Variants in IL18 observed in about 807,000 individuals in gnomAD.
The protein encoded by IL18 is interleukin 18.
A neutral mutation model predicts 14.2 loss-of-function variants in IL18; 8 were observed. The observed-to-expected ratio is 0.56, with a 90% CI of 0.33 to 1.01. The LOEUF (loss-of-function observed/expected upper bound fraction) is 1.01. IL18 is among the 50% of genes least tolerant of loss of function. The pLI is 0.03. For synonymous variants in IL18, 67 were observed against 71.0 expected (o/e 0.94, Z 0.28); for missense variants, 166 against 231.1 (o/e 0.72, Z 1.83).
chr11:112,162,881 A>G (rs189667), intron 1 of IL18, among the ~76,000 whole-genome samples: 38,429 of 152,004 alleles, frequency 0.25, 5,089 homozygotes, highest in Admixed American at 0.3. Context: ...AGATTTGGCT[A>G]TCCTGGGCTC....
intron 1 of IL18, among the ~76,000 whole-genome samples, chr11:112,162,620 C>T (rs1471771297): frequency 6.6e-6 from 1 of 152,128 alleles, no homozygotes; most frequent in Non-Finnish European, 1.5e-5. Context: ...GTTGGGATTA[C>T]AGGAGTGAGC....
At chr11:112,147,055 C>T (rs908806482) in intron 5 of IL18, among the ~76,000 whole-genome samples, 3 of 151,744 alleles carry the variant, frequency 2.0e-5, no homozygotes, top group South Asian at 2.1e-4. Context: ...CTCAGCCTCC[C>T]GAGTAGCTGG....
At chr11:112,159,832 A>T (rs926539838) in intron 1 of IL18, among the ~76,000 whole-genome samples, 1 of 152,202 alleles carries the variant, frequency 6.6e-6, no homozygotes, top group Non-Finnish European at 1.5e-5. Flanking sequence ...AGGTGGACAA[A>T]TATCTAGGAC....
At chr11:112,144,848 C>T (rs1485353104) in intron 5 of IL18, among the ~76,000 whole-genome samples, 1 of 152,182 alleles carries the variant, frequency 6.6e-6, no homozygotes, top group Non-Finnish European at 1.5e-5. Flanking sequence ...GTTTCAGTCA[C>T]AGAATAGGGT....
At chr11:112,162,619 A>G (rs1250486767) in intron 1 of IL18, among the ~76,000 whole-genome samples, 1 of 152,260 alleles carries the variant, frequency 6.6e-6, no homozygotes, top group African/African-American at 2.4e-5. Flanking sequence ...TGTTGGGATT[A>G]CAGGAGTGAG....
chr11:112,145,966 A>T (rs902610801), intron 5 of IL18, among the ~76,000 whole-genome samples: 4 of 151,676 alleles, frequency 2.6e-5, no homozygotes, highest in Non-Finnish European at 4.4e-5. Context: ...ATGACCTTGG[A>T]GAACCCCCAA....
chr11:112,158,037 G>A (rs1866563727), intron 1 of IL18, among the ~76,000 whole-genome samples: 1 of 152,150 alleles, frequency 6.6e-6, no homozygotes, highest in Non-Finnish European at 1.5e-5. Context: ...TGTATTTTTA[G>A]TAGAGACGGG....
intron 1 of IL18, among the ~76,000 whole-genome samples, chr11:112,162,980 C>T (rs989588952): frequency 1.3e-5 from 2 of 152,128 alleles, no homozygotes; most frequent in East Asian, 1.9e-4. Flanking sequence ...CTGTGTTGCC[C>T]TGGCTGGTCT....
intron 2 of IL18, among the ~76,000 whole-genome samples, chr11:112,154,671 C>T (rs574077446): frequency 1.3e-5 from 2 of 152,218 alleles, no homozygotes; most frequent in South Asian, 4.2e-4. Context: ...GGATTTTTCC[C>T]ATGGAAATCC....
intron 3 of IL18, chr11:112,153,326 T>C (rs1330652531): frequency 1.5e-5 from 5 of 343,576 alleles, no homozygotes. Context: ...TCTTAGGACC[T>C]ATGAAACAGG....
At position 112,143,777 on chromosome 11, in the gene IL18, T is replaced by A; in HGVS notation, c.401A>T (p.Asp134Val). The A allele has an allele frequency of 6.2e-7, 1 of 1,611,946 alleles. No individual in the cohort carries two copies. Among genetic ancestry groups the A allele is most frequent in the Non-Finnish European group, 8.5e-7 (1 of 1,178,476 alleles). The change falls in exon 6 of 6, where the codon GAC becomes GTC. Residue 134 changes from aspartate (D) to valine (V), a missense_variant. Physicochemically the swap from Asp to Val is radical, Grantham distance 152. Transcript: ENST00000280357. ...GACACTTCTCTGAAAGAATATGATG[T>A]CACTTTTTGTATCCTTGATGTTATC... is the stretch of plus-strand genomic sequence containing the variant. Reference protein sequence around the residue: ...PPDNIKDTKSDIIFFQRSVPG... With the variant: ...PPDNIKDTKSVIIFFQRSVPG...
In IL18 at chr11:112,150,116, C is replaced by T. The variant is rs1266223590; in HGVS notation, c.182G>A (p.Gly61Glu). 1 of 1,611,256 alleles carries T rather than the reference C, an allele frequency of 6.2e-7. No homozygotes were observed. Among genetic ancestry groups the T allele is most frequent in the African/African-American group, 1.3e-5 (1 of 74,780 alleles). Residue 61 changes from glycine (G) to glutamate (E), a missense_variant, in exon 4 of 6, where the codon GGA becomes GAA. Physicochemically the swap from Gly to Glu is moderately conservative, Grantham distance 98. Transcript: ENST00000280357. ...LNDQVLFIDQ[G>E]NRPLFEDMTD... ...CATATCTTCAAATAGAGGCCGATTT[C>T]CTTGGTCAATGAAGAGAACTTGGTC...
At chr11:112,152,118 C>T (rs1866450164) in intron 3 of IL18, among the ~76,000 whole-genome samples, 1 of 152,220 alleles carries the variant, frequency 6.6e-6, no homozygotes, top group Admixed American at 6.5e-5. Context: ...ACAGACATCT[C>T]AGATCCAAAA....
intron 3 of IL18, among the ~76,000 whole-genome samples, chr11:112,151,751 T>C (rs1866442787): frequency 6.6e-6 from 1 of 152,222 alleles, no homozygotes; most frequent in Non-Finnish European, 1.5e-5. Flanking sequence ...GTTCTGGCCC[T>C]TGATTCTCAA....
intron 1 of IL18, among the ~76,000 whole-genome samples, chr11:112,161,451 A>G (rs1866630447): frequency 2.0e-5 from 3 of 152,206 alleles, no homozygotes; most frequent in African/African-American, 7.2e-5. Flanking sequence ...GACAGTAAAT[A>G]TTTATGGCAT....
intron 3 of IL18, 118 bp from the exon 4 acceptor site, chr11:112,150,324 T>A: frequency 1.5e-6 from 1 of 677,816 alleles, no homozygotes; most frequent in Non-Finnish European, 2.5e-6. Context: ...GTTCCAGAAG[T>A]AGCTACAATA....
chr11:112,162,073 AG>A (rs1866641588), intron 1 of IL18, among the ~76,000 whole-genome samples: 1 of 152,158 alleles, frequency 6.6e-6, no homozygotes, highest in Non-Finnish European at 1.5e-5. Context: ...CGTGTATGTG[AG>A]TGTTGAAGAG....
At chr11:112,145,640 G>A (rs1006651328) in intron 5 of IL18, among the ~76,000 whole-genome samples, 8 of 152,210 alleles carry the variant, frequency 5.3e-5, no homozygotes, top group Non-Finnish European at 8.8e-5. Context: ...TTGGGAGGGT[G>A]AGGCAGGAGA....
intron 3 of IL18, 165 bp downstream of exon 3, chr11:112,153,427 T>C: frequency 4.4e-6 from 2 of 450,000 alleles, no homozygotes; most frequent in Non-Finnish European, 8.2e-6. Flanking sequence ...GTATCTCTTA[T>C]GATCATCTTC....
Sources: gnomAD v4.1 joint callset for allele counts (sites outside exome capture counted in the v4.1 genomes callset) on GRCh38, gnomAD v4.1.1 for gene constraint, MANE v1.5 for transcripts, NCBI Gene and HGNC (gene_info 2026-07-23, HGNC 2026-07-21) for gene names.